Variants in MMUT observed in about 807,000 individuals in gnomAD.
MMUT encodes methylmalonyl-CoA mutase, mitochondrial.
A neutral mutation model predicts 79.9 loss-of-function variants in MMUT; 79 were observed. The ratio of observed to expected loss-of-function variants is 0.99; its 90% CI spans 0.82 to 1.19. MMUT has a LOEUF of 1.19. Ranked by LOEUF, MMUT falls within the 50% of genes most tolerant of loss-of-function variation. MMUT has a pLI of 0.00. For synonymous variants in MMUT, 273 were observed against 295.7 expected (o/e 0.92, Z 0.79); for missense variants, 860 against 917.2 (o/e 0.94, Z 0.81).
chr6:49,444,850 T>G, intron 8 of MMUT, 96 bp from the exon 9 acceptor site: 1 of 879,372 alleles, frequency 1.1e-6, no homozygotes, highest in Non-Finnish European at 1.8e-6. Context: ...ATGGCATTTT[T>G]TTCCATAATC....
intron 3 of MMUT, among the ~76,000 whole-genome samples, chr6:49,456,743 T>C (rs1169321238): frequency 6.6e-6 from 1 of 152,218 alleles, no homozygotes; most frequent in African/African-American, 2.4e-5. Flanking sequence ...TAAAATGATT[T>C]GATTCTTAGT....
At position 49,463,088 on chromosome 6, in the gene MMUT, G is replaced by GT. The variant is rs1767898836; in HGVS notation, c.-40+14dup. 2 of 152,458 alleles carry GT rather than the reference G, an allele frequency of 1.3e-5. No individual in the cohort carries two copies. Among genetic ancestry groups the GT allele is most frequent in the South Asian group, 4.1e-4 (2 of 4,836 alleles). 9.4% of individuals were successfully genotyped at this position (152,458 alleles called of 1,614,324 possible). A position where few individuals can be genotyped will look rare whatever the true frequency, so the allele number is the denominator to read the frequency against. ...AGAAGAATGGAGCGATCTGAAAGGT[G>GT]TACGTCCTACTCACTGGTAGGCCTG... On this transcript the variant is annotated intron_variant, in intron 1 of 12. Coordinates refer to ENST00000274813, the MANE Select transcript of MMUT (RefSeq NM_000255.4).
At chr6:49,441,808 G>T (rs771028232) in intron 10 of MMUT, 32 bp downstream of exon 10, 2 of 1,603,214 alleles carry the variant, frequency 1.2e-6, no homozygotes, top group Admixed American at 3.4e-5. Context: ...CAGAAAAGAT[G>T]AAATTCTGGC....
At chr6:49,441,513 A>G (rs1444001496) in intron 10 of MMUT, among the ~76,000 whole-genome samples, 1 of 151,320 alleles carries the variant, frequency 6.6e-6, no homozygotes, top group African/African-American at 2.4e-5. Flanking sequence ...AGTTCAAAAT[A>G]GTATTAATTA....
At chr6:49,440,804 G>A (rs559412937) in intron 10 of MMUT, among the ~76,000 whole-genome samples, 4 of 152,238 alleles carry the variant, frequency 2.6e-5, no homozygotes, top group South Asian at 2.1e-4. Context: ...TCCCACCTTC[G>A]TGAGCCAGGG....
chr6:49,446,854 G>A (rs898048900), intron 8 of MMUT, among the ~76,000 whole-genome samples: 2 of 151,330 alleles, frequency 1.3e-5, no homozygotes, highest in African/African-American at 4.8e-5. Flanking sequence ...AATACTATTA[G>A]ATTTTTATAG....
chr6:49,435,107 C>T (rs1767087542), intron 12 of MMUT, among the ~76,000 whole-genome samples: 2 of 152,152 alleles, frequency 1.3e-5, no homozygotes, highest in Admixed American at 1.3e-4. Flanking sequence ...GTATTTACTA[C>T]CACTGTTCTC....
chr6:49,453,117 C>T (rs1767597707), intron 5 of MMUT, among the ~76,000 whole-genome samples: 1 of 147,642 alleles, frequency 6.8e-6, no homozygotes, highest in African/African-American at 2.5e-5. Context: ...TCTTGGCTCA[C>T]TGCAACCTCC....
rs879253833 is a variant in MMUT, at chr6:49,457,755, G to C, written c.689C>G (p.Thr230Arg). Reference sequence around the variant, plus strand: ...GGATGGTTCTGGAGGAAAAATGTATGTATTTCGAACCATAAATTCCTTTAG... The same window carrying C: ...GGATGGTTCTGGAGGAAAAATGTATCTATTTCGAACCATAAATTCCTTTAG... ...DILKEFMVRN[T>R]YIFPPEPSMK... Residue 230 changes from threonine (T) to arginine (R), a missense_variant, in exon 3 of 13, where the codon ACA (threonine) becomes AGA (arginine). By Grantham distance (71) the Thr-to-Arg change is moderately conservative. Transcript: ENST00000274813. 2 of 1,611,556 alleles carry C rather than the reference G, an allele frequency of 1.2e-6. No individual in the cohort carries two copies. The highest frequency in any genetic ancestry group is 2.2e-5 in the South Asian group (2 of 90,850).
chr6:49,431,801 C>T lies in MMUT; in HGVS notation c.2180G>A (p.Arg727Gln), dbSNP rs2127412078. The change falls in exon 13 of 13, where the codon CGA becomes CAA. Residue 727 changes from arginine to glutamine, a missense_variant. By Grantham distance (43) the Arg-to-Gln change is conservative. Transcript: ENST00000274813. ...CACCTGAACGGCAGCCTTTGGAATT[C>T]GAGTCCCAGGACCAAATACATTGGA... is the stretch of plus-strand genomic sequence containing the variant. ...GVSNVFGPGT[R>Q]IPKAAVQVLD... The T allele has an allele frequency of 6.2e-7, 1 of 1,613,930 alleles. No homozygotes were observed. Among genetic ancestry groups the T allele is most frequent in the Non-Finnish European group, 8.5e-7 (1 of 1,179,878 alleles).
rs377604600 is a variant in MMUT, at chr6:49,447,737, T to C, written c.1493A>G (p.Asp498Gly). Residue 498 changes from aspartate (D) to glycine (G), a missense_variant, in exon 8 of 13, where the codon GAC becomes GGC. Coordinates refer to ENST00000274813, the MANE Select transcript of MMUT (RefSeq NM_000255.4). ...ATCAATTGCCAGAACTTCTACAGCG[T>C]CTTCTTTTTCCAACTGGTACTTATT... is the stretch of plus-strand genomic sequence containing the variant. Reference protein sequence around the residue: ...GVNKYQLEKEDAVEVLAIDNT... With the variant: ...GVNKYQLEKEGAVEVLAIDNT... 3.7e-6 allele frequency: 6 copies of C among 1,612,242 alleles called. No homozygotes were observed. The highest frequency in any genetic ancestry group is 5.1e-6 in the Non-Finnish European group (6 of 1,178,696).
At chr6:49,433,957 A>C (rs902803658) in intron 12 of MMUT, among the ~76,000 whole-genome samples, 2 of 152,230 alleles carry the variant, frequency 1.3e-5, no homozygotes, top group Non-Finnish European at 2.9e-5. Flanking sequence ...CAAACACCTA[A>C]AGATGTTCTA....
At position 49,430,366 on chromosome 6, in the gene MMUT, C is replaced by T. The variant is rs1208883881; in HGVS notation, c.*1362G>A. On this transcript the variant is annotated 3_prime_UTR_variant, in exon 13 of 13. Coordinates refer to ENST00000274813, the MANE Select transcript of MMUT (RefSeq NM_000255.4). ...AAGATACTGTCAAGAGCTGTAAATT[C>T]CTCAAGGATGAGTTTATTTCACATG... The T allele has an allele frequency of 1.3e-5, 2 of 152,004 alleles. No individual in the cohort carries two copies. The allele number at this position is 152,004 out of a possible 1,614,324, so 9.4% of individuals were successfully genotyped here.
In MMUT at chr6:49,433,185, C is replaced by T. The variant is rs1005218558; in HGVS notation, c.2125-1329G>A. 2.6e-5 allele frequency among the ~76,000 whole-genome samples: 4 copies of T among 152,252 alleles called. No individual in the cohort carries two copies. In the South Asian group the frequency reaches 8.3e-4, roughly 32 times the overall value. On this transcript the variant is annotated intron_variant, in intron 12 of 12. Transcript: ENST00000274813. ...CAGAGTTTAAGAGCTCATAAGGGAACTGAATGAAACATGTAATAATAATCA... is the reference window on the plus strand; with the variant it reads ...CAGAGTTTAAGAGCTCATAAGGGAATTGAATGAAACATGTAATAATAATCA...
At position 49,441,837 on chromosome 6, in the gene MMUT, T is replaced by C; in HGVS notation, c.1808+3A>G. On this transcript the variant is annotated splice_donor_region_variant and intron_variant, in intron 10 of 12. Coordinates refer to ENST00000274813, the MANE Select transcript of MMUT (RefSeq NM_000255.4). Reference sequence around the variant, plus strand: ...TTCTGGCCTAAGAAACCTTACATATTACCTCTTGATAGCAGATGTTATCTC... The same window carrying C: ...TTCTGGCCTAAGAAACCTTACATATCACCTCTTGATAGCAGATGTTATCTC... 6.2e-7 allele frequency: 1 copy of C among 1,610,190 alleles called. No homozygotes were observed. The highest frequency in any genetic ancestry group is 8.5e-7 in the Non-Finnish European group (1 of 1,177,530).
At chr6:49,431,903 T>C in intron 12 of MMUT, 47 bp from the exon 13 acceptor site, 1 of 1,588,970 alleles carries the variant, frequency 6.3e-7, no homozygotes, top group Admixed American at 1.7e-5. Context: ...ATTTCCATTT[T>C]CACGGAAATA....
intron 10 of MMUT, among the ~76,000 whole-genome samples, chr6:49,440,713 A>G (rs1486088261): frequency 1.3e-5 from 2 of 152,188 alleles, no homozygotes; most frequent in Non-Finnish European, 2.9e-5. Flanking sequence ...TCCCCCTTAG[A>G]GGAAAGTCTG....
At position 49,456,136 on chromosome 6, in the gene MMUT, C is replaced by CA. The variant is rs1767680613; in HGVS notation, c.854dup (p.Leu285PhefsTer5). The CA allele has an allele frequency of 1.2e-6, 2 of 1,613,196 alleles. No homozygotes were observed. Among genetic ancestry groups the CA allele is most frequent in the Admixed American group, 1.7e-5 (1 of 59,982 alleles). ...CCTGGAGTCCAGTTCTAGAGTACTC[C>CA]AATCCATCTGCTAAAGTATAGGCCA... is the stretch of plus-strand genomic sequence containing the variant. On this transcript the variant is annotated frameshift_variant, in exon 4 of 13. Transcript: ENST00000274813. LOFTEE classifies it high-confidence loss of function.
chr6:49,435,616 C>G lies in MMUT; in HGVS notation c.1964G>C (p.Arg655Pro), dbSNP rs567485663. The G allele has an allele frequency of 3.7e-6, 6 of 1,613,418 alleles. No individual in the cohort carries two copies. Among genetic ancestry groups the G allele is most frequent in the Admixed American group, 1.7e-5 (1 of 59,864 alleles). The stretch of plus-strand genomic sequence containing the variant: ...ATCCACAGCCTGCTGGGCCACTTCA[C>G]GAGGAGTCTAAACAGTCAGAAAGTA... ...VDIGPLFQTPREVAQQAVDAD... is the reference protein window; with the variant it reads ...VDIGPLFQTPPEVAQQAVDAD... The change falls in exon 12 of 13, where the codon CGT (arginine) becomes CCT (proline). Residue 655 changes from arginine to proline, a missense_variant. Arg to Pro is a moderately radical substitution (Grantham distance 103). Coordinates refer to ENST00000274813, the MANE Select transcript of MMUT (RefSeq NM_000255.4).
Sources: allele counts gnomAD v4.1 joint callset (sites outside exome capture counted in the v4.1 genomes callset), GRCh38; gene constraint gnomAD v4.1.1; transcripts MANE v1.5; gene names NCBI Gene and HGNC (gene_info 2026-07-23, HGNC 2026-07-21).